The following TRERF1 variants were observed in gnomAD, a reference collection of about 807,000 sequenced individuals.
The protein encoded by TRERF1 is transcriptional regulating factor 1.
Under a neutral mutation model 122.9 loss-of-function variants are expected in TRERF1, and 27 were observed. The ratio of observed to expected loss-of-function variants is 0.22; its 90% CI spans 0.16 to 0.30. The LOEUF (loss-of-function observed/expected upper bound fraction) is 0.30, where lower values mean the gene tolerates loss of function less well. Ranked by LOEUF, TRERF1 falls within the 10% of genes least tolerant of loss-of-function variation. TRERF1 has a pLI of 1.00. For synonymous variants in TRERF1, 636 were observed against 641.7 expected (o/e 0.99, Z 0.13); for missense variants, 1,248 against 1,560.3 (o/e 0.80, Z 3.37).
chr6:42,447,180 G>A (rs1032394117), intron 2 of TRERF1, among the ~76,000 whole-genome samples: 3 of 152,214 alleles, frequency 2.0e-5, no homozygotes, highest in South Asian at 2.1e-4. Context: ...CCAGCTCATC[G>A]TCTTCCATGA....
chr6:42,325,288 T>C (rs1764101300), intron 3 of TRERF1, among the ~76,000 whole-genome samples: 1 of 152,210 alleles, frequency 6.6e-6, no homozygotes, highest in Non-Finnish European at 1.5e-5. Context: ...GAAAAGGGAA[T>C]GCTTATATAC....
intron 3 of TRERF1, among the ~76,000 whole-genome samples, chr6:42,353,840 A>G (rs900803804): frequency 2.0e-5 from 3 of 152,246 alleles, no homozygotes; most frequent in Non-Finnish European, 4.4e-5. Flanking sequence ...GCGTGTATAC[A>G]TATAAACATA....
At chr6:42,384,448 CA>C (rs1776453751) in intron 2 of TRERF1, among the ~76,000 whole-genome samples, 1 of 152,080 alleles carries the variant, frequency 6.6e-6, no homozygotes, top group Non-Finnish European at 1.5e-5. Flanking sequence ...TATTCATATA[CA>C]CATTTATATG....
chr6:42,319,300 C>A (rs1763001140), intron 3 of TRERF1, among the ~76,000 whole-genome samples: 1 of 152,246 alleles, frequency 6.6e-6, no homozygotes, highest in African/African-American at 2.4e-5. Context: ...GGGCATGATA[C>A]TGCCCCCATT....
intron 16 of TRERF1, 83 bp from the exon 17 acceptor site, chr6:42,233,011 T>G: frequency 1.4e-6 from 2 of 1,402,696 alleles, no homozygotes; most frequent in Non-Finnish European, 1.9e-6. Context: ...CACAAGGGTT[T>G]TATATAAGCA....
intron 2 of TRERF1, among the ~76,000 whole-genome samples, chr6:42,382,941 G>A (rs1776200739): frequency 6.6e-6 from 1 of 152,028 alleles, no homozygotes; most frequent in South Asian, 2.1e-4. Context: ...GGGTGGGGTG[G>A]GTGTGGGGCA....
At chr6:42,244,661 T>C (rs1774426265) in intron 14 of TRERF1, among the ~76,000 whole-genome samples, 1 of 152,240 alleles carries the variant, frequency 6.6e-6, no homozygotes, top group South Asian at 2.1e-4. Context: ...TTTTAACCCA[T>C]AAAGCAGCTG....
intron 2 of TRERF1, among the ~76,000 whole-genome samples, chr6:42,418,651 C>G (rs1487330996): frequency 6.6e-6 from 1 of 152,062 alleles, no homozygotes; most frequent in Non-Finnish European, 1.5e-5. Flanking sequence ...TACTAAGGCT[C>G]TAGTGGGCTC....
rs1780925016 is a variant in TRERF1 at position 42,275,047 on chromosome 6, G to T, written c.-258-5199C>A. ...CTAGAGACACTTTATGCTCATACAA[G>T]AACACTAATGCACAGCCCGTCTTAT... is the stretch of plus-strand genomic sequence containing the variant. On this transcript the variant is annotated intron_variant, in intron 4 of 17. Coordinates refer to ENST00000372922, the Ensembl canonical transcript of TRERF1. This position sits in a 1 kb window ranked among gnomAD's most constrained non-coding sequence, Gnocchi z 4.1. 6.6e-6 allele frequency among the ~76,000 whole-genome samples: 1 copy of T among 152,158 alleles called. No homozygotes were observed. The highest frequency in any genetic ancestry group is 2.1e-4 in the South Asian group (1 of 4,836).
At chr6:42,416,363 T>C (rs1248099401) in intron 2 of TRERF1, among the ~76,000 whole-genome samples, 1 of 152,238 alleles carries the variant, frequency 6.6e-6, no homozygotes, top group Admixed American at 6.5e-5. Context: ...TTGACAAAAA[T>C]GTATTTTCCC....
chr6:42,258,638 G>C (rs1303338966), intron 9 of TRERF1, among the ~76,000 whole-genome samples: 1 of 152,178 alleles, frequency 6.6e-6, no homozygotes, highest in African/African-American at 2.4e-5. Context: ...GCTGTGGCGC[G>C]ATGTCGGCTC....
chr6:42,238,854 C>T (rs535871854), intron 15 of TRERF1, among the ~76,000 whole-genome samples: 23 of 149,908 alleles, frequency 1.5e-4, no homozygotes, highest in African/African-American at 5.7e-4. Context: ...CACACACACA[C>T]ACACACACAC....
intron 2 of TRERF1, among the ~76,000 whole-genome samples, chr6:42,441,273 T>C (rs1299574355): frequency 6.6e-6 from 1 of 152,168 alleles, no homozygotes; most frequent in Non-Finnish European, 1.5e-5. Context: ...AGCATTTACT[T>C]CTTCAAGGAC....
intron 13 of TRERF1, among the ~76,000 whole-genome samples, chr6:42,250,665 C>T (rs1775591269): frequency 6.6e-6 from 1 of 152,160 alleles, no homozygotes; most frequent in Admixed American, 6.5e-5. Context: ...AGAGTCCCCC[C>T]ACACTCATTT....
intron 5 of TRERF1, among the ~76,000 whole-genome samples, chr6:42,266,631 T>A (rs974889501): frequency 6.6e-6 from 1 of 152,178 alleles, no homozygotes; most frequent in Non-Finnish European, 1.5e-5. Context: ...ATCAGAACTT[T>A]CTTTCTATCC....
At chr6:42,258,034 A>G (rs1239902315) in intron 10 of TRERF1, 101 bp downstream of exon 10, 16 of 1,003,280 alleles carry the variant, frequency 1.6e-5, no homozygotes, top group Non-Finnish European at 2.4e-5. Context: ...TACAATTTCT[A>G]CAACTGCTCT....
intron 2 of TRERF1, among the ~76,000 whole-genome samples, chr6:42,409,557 CT>C (rs1780809021): frequency 6.6e-6 from 1 of 152,138 alleles, no homozygotes; most frequent in Admixed American, 6.5e-5. Flanking sequence ...TAGGCATAAA[CT>C]TTGGAATGCT....
intron 4 of TRERF1, among the ~76,000 whole-genome samples, chr6:42,297,122 C>T (rs184140678): frequency 1.9e-4 from 29 of 152,324 alleles, no homozygotes; most frequent in South Asian, 4.1e-4. Flanking sequence ...CCTATGGCTA[C>T]ACCCTCTCTG....
chr6:42,249,157 C>T (rs1379232166), intron 13 of TRERF1, among the ~76,000 whole-genome samples: 1 of 152,136 alleles, frequency 6.6e-6, no homozygotes, highest in Non-Finnish European at 1.5e-5. Flanking sequence ...TCCGTGTGGC[C>T]CTCAGCTGCA....
Sources: allele counts gnomAD v4.1 joint callset (sites outside exome capture counted in the v4.1 genomes callset), GRCh38; gene constraint gnomAD v4.1.1; non-coding constraint Gnocchi (gnomAD v3.1); transcripts MANE v1.5; gene names NCBI Gene and HGNC (gene_info 2026-07-23, HGNC 2026-07-21).